EML4: variants seen among roughly 807,000 people sequenced by gnomAD.
The protein encoded by EML4 is echinoderm microtubule-associated protein-like 4.
EML4 carries 72 observed loss-of-function variants against 129.0 expected under a neutral mutation model. The observed-to-expected ratio is 0.56, with a 90% CI of 0.46 to 0.68. The LOEUF (loss-of-function observed/expected upper bound fraction) is 0.68, where lower values mean the gene tolerates loss of function less well. Among genes scored for constraint, EML4 ranks in the 30% least tolerant of loss-of-function variants. The pLI is 0.00. For synonymous variants in EML4, 532 were observed against 405.0 expected (o/e 1.31, Z -3.77); for missense variants, 1,363 against 1,190.6 (o/e 1.14, Z -2.13).
intron 1 of EML4, among the ~76,000 whole-genome samples, chr2:42,216,230 C>CT (rs61417977): frequency 0.033 from 1,452 of 43,396 alleles, 274 homozygotes; most frequent in Non-Finnish European, 0.042. Flanking sequence ...CGGCCCACTT[C>CT]TTTTTTTTTT....
At chr2:42,324,318 C>G (rs1408305402) in intron 19 of EML4, among the ~76,000 whole-genome samples, 3 of 151,632 alleles carry the variant, frequency 2.0e-5, no homozygotes, top group Non-Finnish European at 4.4e-5. Flanking sequence ...ATCATGTGAC[C>G]AGAAAGCTAG....
intron 11 of EML4, among the ~76,000 whole-genome samples, chr2:42,293,956 T>C (rs922193577): frequency 6.6e-6 from 1 of 152,214 alleles, no homozygotes; most frequent in African/African-American, 2.4e-5. Flanking sequence ...TAAAGTTCTT[T>C]GCTAAGTTAA....
At chr2:42,227,143 C>CT (rs1482979432) in intron 1 of EML4, among the ~76,000 whole-genome samples, 1 of 152,070 alleles carries the variant, frequency 6.6e-6, no homozygotes, top group Non-Finnish European at 1.5e-5. Flanking sequence ...TAAGATCTCG[C>CT]TCTGTTGCCC....
intron 1 of EML4, among the ~76,000 whole-genome samples, chr2:42,210,807 C>G (rs1434081754): frequency 6.6e-6 from 1 of 152,140 alleles, no homozygotes; most frequent in Non-Finnish European, 1.5e-5. Flanking sequence ...AATAAAAACT[C>G]TTTTGAGAAC....
At chr2:42,171,545 A>G (rs1670280613) in intron 1 of EML4, among the ~76,000 whole-genome samples, 1 of 152,212 alleles carries the variant, frequency 6.6e-6, no homozygotes, top group Non-Finnish European at 1.5e-5. Flanking sequence ...AGAGATGAAG[A>G]TGAATTGCAG....
chr2:42,183,819 C>T (rs1671091636), intron 1 of EML4, among the ~76,000 whole-genome samples: 1 of 151,638 alleles, frequency 6.6e-6, no homozygotes, highest in Non-Finnish European at 1.5e-5. Context: ...TTATAGGTCA[C>T]TGTTTATCAA....
At chr2:42,250,063 A>G (rs1469555356) in intron 2 of EML4, among the ~76,000 whole-genome samples, 5 of 152,230 alleles carry the variant, frequency 3.3e-5, no homozygotes, top group African/African-American at 1.2e-4. Context: ...GACCAAATGA[A>G]TGTAATTTGA....
At chr2:42,246,346 G>A (rs574030429) in intron 2 of EML4, among the ~76,000 whole-genome samples, 1 of 152,208 alleles carries the variant, frequency 6.6e-6, no homozygotes, top group South Asian at 2.1e-4. Flanking sequence ...ATCATTTGAT[G>A]TCTCTTACTG....
intron 1 of EML4, among the ~76,000 whole-genome samples, chr2:42,177,228 CAACTT>C (rs112654081): frequency 0.03 from 4,519 of 150,760 alleles, 211 homozygotes; most frequent in African/African-American, 0.1. Flanking sequence ...ATATAGTTGA[CAACTT>C]AACAACCTTC....
chr2:42,188,633 C>T (rs1461120580), intron 1 of EML4, among the ~76,000 whole-genome samples: 1 of 152,100 alleles, frequency 6.6e-6, no homozygotes, highest in Non-Finnish European at 1.5e-5. Context: ...GCAGCCTCTG[C>T]CTCCTGTGTT....
chr2:42,202,601 G>C lies in EML4; in HGVS notation c.25+32965G>C, dbSNP rs190772193. On this transcript the variant is annotated intron_variant, in intron 1 of 22. Transcript: ENST00000318522. Reference sequence around the variant, plus strand: ...CTGAAGAACTTGGAGTCTGATGTTTGAGGGCAGGAACCATCCAGCACAGGA... The same window carrying C: ...CTGAAGAACTTGGAGTCTGATGTTTCAGGGCAGGAACCATCCAGCACAGGA... Among the ~76,000 whole-genome samples, 13 of 152,310 alleles carry C rather than the reference G, an allele frequency of 8.5e-5. No homozygotes were observed. In the East Asian group the frequency reaches 2.5e-3, roughly 29 times the overall value.
At chr2:42,223,451 A>C (rs866442032) in intron 1 of EML4, among the ~76,000 whole-genome samples, 1 of 152,164 alleles carries the variant, frequency 6.6e-6, no homozygotes, top group Non-Finnish European at 1.5e-5. Flanking sequence ...CTGTAAAGAC[A>C]TGCTTTGAAG....
chr2:42,193,539 A>G (rs780376091), intron 1 of EML4, among the ~76,000 whole-genome samples: 1 of 152,248 alleles, frequency 6.6e-6, no homozygotes, highest in Non-Finnish European at 1.5e-5. Context: ...ATCTGATGCT[A>G]TAATGAGAAC....
intron 17 of EML4, among the ~76,000 whole-genome samples, chr2:42,307,495 T>C (rs1216849117): frequency 6.6e-6 from 1 of 152,208 alleles, no homozygotes; most frequent in African/African-American, 2.4e-5. Context: ...TGTTGATCCT[T>C]GGGGAACTTT....
chr2:42,255,578 G>C (rs541927339), intron 2 of EML4, among the ~76,000 whole-genome samples: 14 of 152,092 alleles, frequency 9.2e-5, no homozygotes, highest in Non-Finnish European at 1.5e-5. Context: ...CTTGTTTGAC[G>C]TACTAGAACT....
chr2:42,234,448 G>A (rs1410081320), intron 1 of EML4, among the ~76,000 whole-genome samples: 1 of 152,212 alleles, frequency 6.6e-6, no homozygotes, highest in African/African-American at 2.4e-5. Context: ...CTACCCTTAA[G>A]AATTTCTGAC....
chr2:42,212,044 C>T (rs1487246665), intron 1 of EML4, among the ~76,000 whole-genome samples: 3 of 151,986 alleles, frequency 2.0e-5, no homozygotes, highest in Non-Finnish European at 4.4e-5. Flanking sequence ...TGGGGTTTTG[C>T]CATGTTGACC....
intron 7 of EML4, 80 bp downstream of exon 7, chr2:42,281,053 T>C (rs537751001): frequency 3.8e-4 from 450 of 1,194,082 alleles, no homozygotes; most frequent in Non-Finnish European, 3.8e-4. Context: ...TCTGTCAAAA[T>C]TGTCTTTATA....
rs781142888 is a variant in EML4 at position 42,330,204 on chromosome 2, C to G, written c.2943C>G (p.Ser981=). The G allele has an allele frequency of 2.3e-5, 37 of 1,612,896 alleles. No homozygotes were observed. Among genetic ancestry groups the G allele is most frequent in the South Asian group, 2.0e-4 (18 of 90,986 alleles). The change falls in exon 23 of 23, where the codon TCC becomes TCG. Residue 981 remains serine, a synonymous_variant. Coordinates refer to ENST00000318522, the MANE Select transcript of EML4 (RefSeq NM_019063.5). ...LEDQQDPSPS[S] is the part of the protein sequence containing the mutation. Reference sequence around the variant, plus strand: ...ACCAGCAAGACCCTTCGCCCTCGTCCTAACACCCTGGCTTCAGTGCAACTC... The same window carrying G: ...ACCAGCAAGACCCTTCGCCCTCGTCGTAACACCCTGGCTTCAGTGCAACTC...
Sources: gnomAD v4.1 joint callset for allele counts (sites outside exome capture counted in the v4.1 genomes callset) on GRCh38, gnomAD v4.1.1 for gene constraint, MANE v1.5 for transcripts, NCBI Gene and HGNC (gene_info 2026-07-23, HGNC 2026-07-21) for gene names.